SMCHD1: variants seen among roughly 807,000 people sequenced by gnomAD.
SMCHD1 encodes structural maintenance of chromosomes flexible hinge domain-containing protein 1.
A neutral mutation model predicts 254.7 loss-of-function variants in SMCHD1; 78 were observed. That is an observed-to-expected ratio of 0.31 (90% CI 0.26 to 0.37). The LOEUF (loss-of-function observed/expected upper bound fraction) is 0.37, where lower values mean the gene tolerates loss of function less well. Ranked by LOEUF, SMCHD1 falls within the 10% of genes least tolerant of loss-of-function variation. The pLI, the probability that SMCHD1 is intolerant of heterozygous loss-of-function variation, is 1.00. For missense variants in SMCHD1, 1,840 were observed against 2,408.1 expected, an observed-to-expected ratio of 0.76 and a Z score of 4.94; for synonymous variants, 766 against 794.9, an observed-to-expected ratio of 0.96 and a Z score of 0.61.
rs1281106108 is a variant in SMCHD1 at position 2,700,591 on chromosome 18, T to C, written c.1395T>C (p.Ala465=). 4.3e-6 allele frequency: 7 copies of C among 1,612,112 alleles called. No individual in the cohort carries two copies. Among genetic ancestry groups the C allele is most frequent in the Non-Finnish European group, 5.9e-6 (7 of 1,178,864 alleles). ...EDDCFILEKA[A]RGKRPIFECF... ...ATTGTTTCATACTTGAGAAAGCAGC[T>C]AGAGGGAAAAGGCCTATTTTTGAAT... Residue 465 remains alanine (A), a synonymous_variant, in exon 11 of 48, where the codon GCT becomes GCC. Coordinates refer to ENST00000320876, the MANE Select transcript of SMCHD1 (RefSeq NM_015295.3).
At chr18:2,798,823 A>G (rs894701391) in intron 47 of SMCHD1, among the ~76,000 whole-genome samples, 2 of 152,164 alleles carry the variant, frequency 1.3e-5, no homozygotes, top group Non-Finnish European at 2.9e-5. Context: ...TTTTAGAGAG[A>G]CCAGAACCCA....
intron 17 of SMCHD1, among the ~76,000 whole-genome samples, chr18:2,709,771 G>C (rs1201479556): frequency 1.3e-5 from 2 of 152,090 alleles, no homozygotes; most frequent in Admixed American, 1.3e-4. Context: ...TTGTTGAGTT[G>C]TAAGAGTTCT....
chr18:2,710,863 T>C (rs151214389), intron 17 of SMCHD1, among the ~76,000 whole-genome samples: 109 of 152,356 alleles, frequency 7.2e-4, no homozygotes, highest in African/African-American at 2.4e-3. Flanking sequence ...CCTTGTGTAG[T>C]GTTTTTATCA....
chr18:2,790,229 A>G (rs1314724674), intron 45 of SMCHD1, among the ~76,000 whole-genome samples: 1 of 152,102 alleles, frequency 6.6e-6, no homozygotes, highest in Non-Finnish European at 1.5e-5. Context: ...ATCATAATCA[A>G]TAAGTAATTG....
Position 2,697,032 on chromosome 18 carries a change from G to T in SMCHD1, c.1041G>T (p.Ala347=). 7.7e-7 allele frequency: 1 copy of T among 1,297,424 alleles called. No individual in the cohort carries two copies. Among genetic ancestry groups the T allele is most frequent in the Non-Finnish European group, 1.0e-6 (1 of 952,552 alleles). The allele number at this position is 1,297,424 out of a possible 1,614,324, so 80.4% of individuals were successfully genotyped here. The change falls in exon 9 of 48, where the codon GCG becomes GCT. Residue 347 remains alanine, a splice_region_variant and synonymous_variant. Transcript: ENST00000320876. The part of the protein sequence containing the change: ...NYFHLWTRQL[A]HIYHYYIHGP... ...ATAAAATTATTCTTCTCTATTTTAG[G>T]CATATTTATCACTACTATATTCATG...
At chr18:2,779,110 C>T (rs1211074202) in intron 44 of SMCHD1, 1 of 152,204 alleles carries the variant, frequency 6.6e-6, no homozygotes, top group Non-Finnish European at 1.5e-5. Context: ...CCCATAGCAC[C>T]TTTGCAGGGG....
chr18:2,778,051 A>G, intron 43 of SMCHD1, 118 bp from the exon 44 acceptor site: 2 of 1,003,852 alleles, frequency 2.0e-6, no homozygotes, highest in Non-Finnish European at 2.9e-6. Context: ...TTAGAGTACA[A>G]ATAAAATTAG....
At chr18:2,662,531 GCTGCTT>G (rs1397557178) in intron 1 of SMCHD1, among the ~76,000 whole-genome samples, 1 of 151,960 alleles carries the variant, frequency 6.6e-6, no homozygotes, top group East Asian at 1.9e-4. Context: ...TGTAGTCCCA[GCTGCTT>G]GGGAGGCAGA....
At chr18:2,716,080 GATGT>G (rs1483564727) in intron 17 of SMCHD1, among the ~76,000 whole-genome samples, 1 of 152,114 alleles carries the variant, frequency 6.6e-6, no homozygotes, top group Non-Finnish European at 1.5e-5. Flanking sequence ...TTTCCTTGAT[GATGT>G]GTCTATGATG....
rs1568380227 is a variant in SMCHD1 at position 2,782,763 on chromosome 18, A to AAAAC, written c.5548-1684_5548-1683insCAAA. Among the ~76,000 whole-genome samples, 144 of 150,704 alleles carry AAAAC rather than the reference A, an allele frequency of 9.6e-4. 3 individuals carry two copies. The highest frequency in any genetic ancestry group is 3.4e-3 in the African/African-American group (140 of 40,910). ...ACAACTCAAAAAAAAAAAAAAAAAA[A>AAAAC]AAAAAAAAAGATATTAAATCCTTAG... is the stretch of plus-strand genomic sequence containing the variant. On this transcript the variant is annotated intron_variant, in intron 44 of 47. Transcript: ENST00000320876.
intron 37 of SMCHD1, among the ~76,000 whole-genome samples, chr18:2,767,481 ACAT>A (rs2075888594): frequency 6.6e-6 from 1 of 152,160 alleles, no homozygotes; most frequent in Non-Finnish European, 1.5e-5. Context: ...TCTAAGAAAT[ACAT>A]CATCAGGTGA....
intron 45 of SMCHD1, among the ~76,000 whole-genome samples, chr18:2,790,171 G>A (rs2076297872): frequency 6.6e-6 from 1 of 152,170 alleles, no homozygotes; most frequent in African/African-American, 2.4e-5. Context: ...AACAGAGCGA[G>A]ACTTTGTCTC....
At chr18:2,760,783 C>CTT in intron 35 of SMCHD1, 44 bp downstream of exon 35, 4 of 1,132,748 alleles carry the variant, frequency 3.5e-6, no homozygotes, top group Non-Finnish European at 1.3e-6. Context: ...TTTACATTTT[C>CTT]TTTTTTTTTC....
intron 1 of SMCHD1, among the ~76,000 whole-genome samples, chr18:2,664,514 GTTAC>G (rs1281875205): frequency 3.3e-5 from 5 of 152,032 alleles, no homozygotes; most frequent in South Asian, 4.1e-4. Context: ...CTTTTTTGGT[GTTAC>G]TTAATTTGTT....
At chr18:2,774,521 C>G (rs575851136) in intron 41 of SMCHD1, among the ~76,000 whole-genome samples, 1 of 152,190 alleles carries the variant, frequency 6.6e-6, no homozygotes, top group East Asian at 1.9e-4. Flanking sequence ...AGGTCATCCT[C>G]CCACCTCAGC....
At chr18:2,772,479 C>T (rs2076000883) in intron 41 of SMCHD1, 107 bp downstream of exon 41, 1 of 965,408 alleles carries the variant, frequency 1.0e-6, no homozygotes. Flanking sequence ...TTGTAATTTA[C>T]TTCTTTCCAA....
intron 25 of SMCHD1, among the ~76,000 whole-genome samples, chr18:2,734,994 C>T (rs561575538): frequency 2.0e-5 from 3 of 151,764 alleles, no homozygotes; most frequent in East Asian, 3.9e-4. Context: ...TGCTTGAACC[C>T]GAGAGTCAGA....
chr18:2,755,661 G>A (rs1428043232), intron 34 of SMCHD1, among the ~76,000 whole-genome samples: 10 of 141,930 alleles, frequency 7.0e-5, no homozygotes, highest in Middle Eastern at 7.5e-3. Context: ...TCTGCCTCCC[G>A]GGTTCATGCC....
intron 47 of SMCHD1, among the ~76,000 whole-genome samples, chr18:2,799,622 T>C (rs184120785): frequency 1.3e-5 from 2 of 152,338 alleles, no homozygotes; most frequent in East Asian, 3.9e-4. Flanking sequence ...TCATGACTCT[T>C]ACTTAGGCCA....
Sources: allele counts gnomAD v4.1 joint callset (sites outside exome capture counted in the v4.1 genomes callset), GRCh38; gene constraint gnomAD v4.1.1; transcripts MANE v1.5; gene names NCBI Gene and HGNC (gene_info 2026-07-23, HGNC 2026-07-21).